The following NBPF26 variants were observed in gnomAD, a reference collection of about 807,000 sequenced individuals.
NBPF26 encodes NBPF family member NBPF26.
A neutral mutation model predicts 119.6 loss-of-function variants in NBPF26; 79 were observed. That is an observed-to-expected ratio of 0.66 (90% CI 0.55 to 0.80). NBPF26 has a LOEUF of 0.80. Ranked by LOEUF, NBPF26 falls within the 30% of genes least tolerant of loss-of-function variation. The pLI is 0.00. For synonymous variants in NBPF26, 299 were observed against 457.7 expected (o/e 0.65, Z 4.43); for missense variants, 800 against 1,198.2 (o/e 0.67, Z 4.91).
intron 5 of NBPF26, among the ~76,000 whole-genome samples, chr1:120,806,668 C>A (rs1651693313): frequency 8.2e-6 from 1 of 121,554 alleles, no homozygotes; most frequent in East Asian, 2.0e-4. Context: ...GAGTGAAGTC[C>A]TGCTTCCTGG....
chr1:120,756,662 C>G (rs1651083851), intron 1 of NBPF26, among the ~76,000 whole-genome samples: 1 of 117,784 alleles, frequency 8.5e-6, no homozygotes, highest in Non-Finnish European at 1.6e-5. Flanking sequence ...GACTTAATTA[C>G]TCATGTTAGA....
rs2101510397 is a variant in NBPF26 at position 120,811,998 on chromosome 1, C to G, written c.1677C>G (p.Pro559=). 5 of 1,277,918 alleles carry G rather than the reference C, an allele frequency of 3.9e-6. No homozygotes were observed. In the East Asian group the frequency reaches 9.4e-5, roughly 24 times the overall value. The allele number at this position is 1,277,918 out of a possible 1,614,324, so 79.2% of individuals were successfully genotyped here. A position where few individuals can be genotyped will look rare whatever the true frequency, so the allele number is the denominator to read the frequency against. ...TAGAAATCAATGAGAAATTGCGCCC[C>G]CAGCTGGCAGAGAAGAAACAGCAGT... The change falls in exon 10 of 30, where the codon CCC becomes CCG. Residue 559 remains proline (P), a synonymous_variant. Coordinates refer to ENST00000620612, the Ensembl canonical transcript of NBPF26.
Position 120,785,183 on chromosome 1 carries a change from A to T in NBPF26, c.365A>T (p.His122Leu), listed in dbSNP as rs1330406625. 1.2e-5 allele frequency: 17 copies of T among 1,445,772 alleles called. 5 individuals are homozygous for T. The Admixed American group carries it at 3.3e-4, about 28-fold the overall frequency. The allele number at this position is 1,445,772 out of a possible 1,614,324, so 89.6% of individuals were successfully genotyped here. The change falls in exon 3 of 30, where the codon CAT (histidine) becomes CTT (leucine). Residue 122 changes from histidine to leucine, a missense_variant. Physicochemically the swap from His to Leu is moderately conservative, Grantham distance 99. Around this residue, in one of 13 missense-constraint regions of NBPF26, gnomAD observed 209 missense variants for 285.2 expected, o/e 0.73. Coordinates refer to ENST00000620612, the Ensembl canonical transcript of NBPF26. ...CCTTGCCTGAATGGCGGCACATGCCATATGCTCAGCCGGGATACCTATGAG... is the reference window on the plus strand; with the variant it reads ...CCTTGCCTGAATGGCGGCACATGCCTTATGCTCAGCCGGGATACCTATGAG...
rs1299820493 is a variant in NBPF26, at chr1:120,808,399, T to C, written c.1065-146T>C. On this transcript the variant is annotated intron_variant, in intron 6 of 29. Coordinates refer to ENST00000620612, the Ensembl canonical transcript of NBPF26. ...TGTAAACCATTTTCTATTCTTTCTCTTGGCCACAGACATTCCTTTCAACGT... is the reference window on the plus strand; with the variant it reads ...TGTAAACCATTTTCTATTCTTTCTCCTGGCCACAGACATTCCTTTCAACGT... 13 of 687,472 alleles carry C rather than the reference T, an allele frequency of 1.9e-5. No individual in the cohort carries two copies. The East Asian group carries it at 3.4e-4, about 18-fold the overall frequency. The allele number at this position is 687,472 out of a possible 1,614,324, so 42.6% of individuals were successfully genotyped here. A position where few individuals can be genotyped will look rare whatever the true frequency, so the allele number is the denominator to read the frequency against.
At chr1:120,777,806 G>A (rs1460060420) in intron 2 of NBPF26, among the ~76,000 whole-genome samples, 2 of 108,730 alleles carry the variant, frequency 1.8e-5, no homozygotes, top group East Asian at 4.7e-4. Context: ...TTGGTAATTA[G>A]CATAACCTAG....
rs1477969722 is a variant in NBPF26, at chr1:120,733,142, A to G, written c.73+8892A>G. 2.9e-5 allele frequency among the ~76,000 whole-genome samples: 3 copies of G among 104,624 alleles called. 1 individual carries two copies. The highest frequency in any genetic ancestry group is 2.8e-4 in the Admixed American group (3 of 10,566). 68.6% of individuals were successfully genotyped at this position (104,624 alleles called of 152,430 possible). A position where few individuals can be genotyped will look rare whatever the true frequency, so the allele number is the denominator to read the frequency against. ...ATATATATATATATATGTTTAGTTT[A>G]TGAACAGATCTACATATATATATAT... On this transcript the variant is annotated intron_variant, in intron 1 of 29. Coordinates refer to ENST00000620612, the Ensembl canonical transcript of NBPF26.
At chr1:120,823,720 G>C (rs1277327294) in intron 17 of NBPF26, among the ~76,000 whole-genome samples, 2 of 111,334 alleles carry the variant, frequency 1.8e-5, no homozygotes, top group Non-Finnish European at 3.5e-5. Flanking sequence ...TCCCTCATCA[G>C]TGTGTCACCT....
At chr1:120,824,264 T>A in intron 18 of NBPF26, 118 bp downstream of exon 18, 2 of 481,804 alleles carry the variant, frequency 4.2e-6, no homozygotes, top group Non-Finnish European at 7.2e-6. Context: ...GGAGGACCTA[T>A]AGGCACATGT....
In NBPF26 at chr1:120,779,731, C is replaced by T. The variant is rs1429045067; in HGVS notation, c.156-5243C>T. On this transcript the variant is annotated intron_variant, in intron 2 of 29. Coordinates refer to ENST00000620612, the Ensembl canonical transcript of NBPF26. ...GTTTAGCCATGTTTTCACTCTCTAACCAAATTCAACTTTAGCCATCTCAAG... is the reference window on the plus strand; with the variant it reads ...GTTTAGCCATGTTTTCACTCTCTAATCAAATTCAACTTTAGCCATCTCAAG... Among the ~76,000 whole-genome samples the T allele has an allele frequency of 3.3e-5, 4 of 121,864 alleles. 1 individual carries two copies. The highest frequency in any genetic ancestry group is 3.3e-5 in the Non-Finnish European group (2 of 60,080). 79.9% of individuals were successfully genotyped at this position (121,864 alleles called of 152,430 possible).
chr1:120,838,432 C>T (rs1652444987), intron 27 of NBPF26, among the ~76,000 whole-genome samples: 1 of 29,746 alleles, frequency 3.4e-5, no homozygotes, highest in Non-Finnish European at 5.6e-5. Context: ...AGGGCACTAA[C>T]TCAGAGTGTC....
chr1:120,840,526 G>T, exon 30 of NBPF26: 1 of 1,472,632 alleles, frequency 6.8e-7, no homozygotes. Flanking sequence ...GTGGACAATA[G>T]GTTTTTTACT....
chr1:120,815,290 T>C (rs1403326094), intron 12 of NBPF26, among the ~76,000 whole-genome samples: 6 of 116,516 alleles, frequency 5.1e-5, no homozygotes, highest in Admixed American at 1.6e-4. Flanking sequence ...GCAGCATCTA[T>C]CTAGTTTTAA....
At position 120,724,164 on chromosome 1, in the gene NBPF26, A is replaced by C. The variant is rs1650787284; in HGVS notation, c.-14A>C. On this transcript the variant is annotated 5_prime_UTR_variant, in exon 1 of 30. Transcript: ENST00000620612. ...GCGGCGGCGGCGGAGGAGGAGGAGG[A>C]GGCGACCGAGAAGATGCCCGCCCTG... 86 of 1,380,186 alleles carry C rather than the reference A, an allele frequency of 6.2e-5. 21 individuals carry two copies. Among genetic ancestry groups the C allele is most frequent in the South Asian group, 3.3e-4 (25 of 76,022 alleles). The allele number at this position is 1,380,186 out of a possible 1,614,324, so 85.5% of individuals were successfully genotyped here. A position where few individuals can be genotyped will look rare whatever the true frequency, so the allele number is the denominator to read the frequency against.
At chr1:120,742,312 CGTGTGTGTGT>C (rs1209103933) in intron 1 of NBPF26, among the ~76,000 whole-genome samples, 4 of 27,854 alleles carry the variant, frequency 1.4e-4, no homozygotes, top group South Asian at 1.3e-3. Flanking sequence ...TGTGTGTGTG[CGTGTGTGTGT>C]GTGTGTGTGT....
chr1:120,790,116 C>T (rs1447305339), intron 3 of NBPF26, among the ~76,000 whole-genome samples: 1 of 93,898 alleles, frequency 1.1e-5, no homozygotes, highest in Non-Finnish European at 1.9e-5. Flanking sequence ...CCCGGGTTCA[C>T]GCCATTCTTC....
At chr1:120,823,430 G>C (rs1571044559) in intron 17 of NBPF26, 70 bp downstream of exon 17, 1 of 725,922 alleles carries the variant, frequency 1.4e-6, no homozygotes, top group Non-Finnish European at 2.3e-6. Flanking sequence ...AGGGAAAACA[G>C]TACATGCTGA....
At chr1:120,767,873 C>T (rs1651210843) in intron 2 of NBPF26, among the ~76,000 whole-genome samples, 1 of 113,248 alleles carries the variant, frequency 8.8e-6, no homozygotes, top group East Asian at 2.2e-4. Context: ...ATTTTAAGGA[C>T]ATTTATTGTA....
chr1:120,801,545 C>A, intron 4 of NBPF26, among the ~76,000 whole-genome samples: 2 of 89,548 alleles, frequency 2.2e-5, no homozygotes, highest in Admixed American at 1.1e-4. Flanking sequence ...AAAAGCATTT[C>A]AGGGCCAGGC....
intron 22 of NBPF26, among the ~76,000 whole-genome samples, 198 bp from the exon 27 acceptor site, chr1:120,832,677 C>A (rs1257834380): frequency 8.3e-6 from 1 of 121,144 alleles, no homozygotes; most frequent in African/African-American, 4.6e-5. Flanking sequence ...AATAGGGACA[C>A]TTTACCCACA....
Sources: allele counts gnomAD v4.1 joint callset (sites outside exome capture counted in the v4.1 genomes callset), GRCh38; gene constraint gnomAD v4.1.1; regional missense constraint gnomAD v4.1.1; transcripts MANE v1.5; gene names NCBI Gene and HGNC (gene_info 2026-07-23, HGNC 2026-07-21).